The following COL5A1 variants were observed in gnomAD, a reference collection of about 807,000 sequenced individuals.
The protein encoded by COL5A1 is collagen type V alpha 1 chain.
COL5A1 carries 16 observed loss-of-function variants against 263.7 expected under a neutral mutation model. The observed-to-expected ratio is 0.06, with a 90% CI of 0.04 to 0.09. The LOEUF is 0.09. Among genes scored for constraint, COL5A1 ranks in the 10% least tolerant of loss-of-function variants. The pLI is 1.00. For missense variants in COL5A1, 2,036 were observed against 2,540.5 expected, an observed-to-expected ratio of 0.80 and a Z score of 4.27; for synonymous variants, 1,012 against 1,004.5, an observed-to-expected ratio of 1.01 and a Z score of -0.14.
rs771931165 is a variant in COL5A1 at position 134,818,802 on chromosome 9, A to G, written c.4338+39A>G. ...GAGGGGCAGAGGGGTTGCCGAGTGG[A>G]GGGACGGGGGACCAGCAACTCATGC... On this transcript the variant is annotated intron_variant, in intron 55 of 65. Transcript: ENST00000371817. The surrounding 1 kb of genome is among the most constrained non-coding windows in gnomAD (Gnocchi z 6.0). The G allele has an allele frequency of 8.7e-6, 14 of 1,612,252 alleles. No homozygotes were observed. The highest frequency in any genetic ancestry group is 1.0e-5 in the Non-Finnish European group (12 of 1,179,370).
chr9:134,759,845 CA>C (rs1564438848), intron 18 of COL5A1, among the ~76,000 whole-genome samples: 11 of 78,158 alleles, frequency 1.4e-4, no homozygotes, highest in East Asian at 7.5e-4. Context: ...CACTCACGCA[CA>C]CCCCCACACC....
At chr9:134,793,753 A>G (rs541131545) in intron 32 of COL5A1, among the ~76,000 whole-genome samples, 1 of 152,340 alleles carries the variant, frequency 6.6e-6, no homozygotes, top group East Asian at 1.9e-4. Context: ...TAGAACGCCT[A>G]TCACTGGAAG....
intron 14 of COL5A1, 65 bp from the exon 15 acceptor site, chr9:134,753,785 C>CCCCCCCCCA: frequency 1.8e-6 from 2 of 1,081,824 alleles, no homozygotes; most frequent in African/African-American, 1.5e-5. Context: ...CTGCCACCCC[C>CCCCCCCCCA]AGCCCTTCCT....
chr9:134,799,267 T>C (rs758096862), intron 37 of COL5A1, among the ~76,000 whole-genome samples: 11 of 152,196 alleles, frequency 7.2e-5, no homozygotes, highest in Non-Finnish European at 1.3e-4. Context: ...CCTTCGAAAT[T>C]TGGCCCAGCT....
At chr9:134,801,399 G>A (rs1334015619) in intron 37 of COL5A1, among the ~76,000 whole-genome samples, 1 of 152,250 alleles carries the variant, frequency 6.6e-6, no homozygotes, top group Non-Finnish European at 1.5e-5. Flanking sequence ...CAGAAAAGGA[G>A]CGTTTGGTGA....
intron 42 of COL5A1, among the ~76,000 whole-genome samples, chr9:134,807,355 G>T (rs536865737): frequency 6.6e-6 from 1 of 152,128 alleles, no homozygotes; most frequent in Non-Finnish European, 1.5e-5. Flanking sequence ...GTGCAGTGGC[G>T]CAATCTCGGC....
Position 134,754,072 on chromosome 9 carries a change from G to A in COL5A1, c.1773+169G>A, listed in dbSNP as rs541747953. 6.6e-6 allele frequency among the ~76,000 whole-genome samples: 1 copy of A among 152,350 alleles called. No homozygotes were observed. Among genetic ancestry groups the A allele is most frequent in the South Asian group, 2.1e-4 (1 of 4,826 alleles). ...TGGAGCACAATGAACTCTGACACCT[G>A]CGGCAGAAATGAGCTGGCTGTATTC... On this transcript the variant is annotated intron_variant, in intron 15 of 65. Transcript: ENST00000371817. This position sits in a 1 kb window ranked among gnomAD's most constrained non-coding sequence, Gnocchi z 4.3.
At chr9:134,701,099 G>C in intron 3 of COL5A1, 72 bp from the exon 4 acceptor site, 1 of 1,528,656 alleles carries the variant, frequency 6.5e-7, no homozygotes, top group Non-Finnish European at 9.0e-7. Context: ...GTGTCTCGAG[G>C]AATTTGCAGC....
intron 4 of COL5A1, among the ~76,000 whole-genome samples, chr9:134,701,687 G>A (rs775134353): frequency 2.0e-5 from 3 of 152,180 alleles, no homozygotes; most frequent in Non-Finnish European, 4.4e-5. Flanking sequence ...GTCTGTATCC[G>A]AGGCCATCCT....
chr9:134,675,092 G>A (rs956540131), intron 1 of COL5A1, among the ~76,000 whole-genome samples: 2 of 152,172 alleles, frequency 1.3e-5, no homozygotes, highest in African/African-American at 4.8e-5. Flanking sequence ...AGAGTGTACT[G>A]TGATATGTGC....
intron 1 of COL5A1, among the ~76,000 whole-genome samples, chr9:134,688,861 A>G (rs1833169949): frequency 6.6e-6 from 1 of 152,116 alleles, no homozygotes; most frequent in Non-Finnish European, 1.5e-5. Context: ...CTTCCAGAGA[A>G]CTGTGGATGG....
intron 4 of COL5A1, among the ~76,000 whole-genome samples, chr9:134,718,227 G>A (rs905419746): frequency 1.1e-4 from 17 of 152,238 alleles, no homozygotes; most frequent in African/African-American, 2.4e-4. Flanking sequence ...TGCTCCCGCC[G>A]TGGCCGCCGA....
chr9:134,646,830 G>A (rs1301709551), intron 1 of COL5A1, among the ~76,000 whole-genome samples: 1 of 152,136 alleles, frequency 6.6e-6, no homozygotes, highest in Non-Finnish European at 1.5e-5. Flanking sequence ...TGAACTCCAG[G>A]CCAGCAAGGT....
At chr9:134,760,136 A>C in intron 18 of COL5A1, among the ~76,000 whole-genome samples, 1 of 87,890 alleles carries the variant, frequency 1.1e-5, no homozygotes, top group Non-Finnish European at 2.1e-5. Flanking sequence ...CCCCACACTC[A>C]CATGTGCAGA....
rs1188859777 is a variant in COL5A1, at chr9:134,742,885, A to G, written c.1494+4077A>G. ...AAGCCCTTCCCTGGGCTCCTCGGGCAGGTGGGGGAAGGAGAGGGCTGGGGA... is the reference window on the plus strand; with the variant it reads ...AAGCCCTTCCCTGGGCTCCTCGGGCGGGTGGGGGAAGGAGAGGGCTGGGGA... On this transcript the variant is annotated intron_variant, in intron 11 of 65. Transcript: ENST00000371817. The surrounding 1 kb of genome is among the most constrained non-coding windows in gnomAD (Gnocchi z 4.6). Among the ~76,000 whole-genome samples the G allele has an allele frequency of 1.3e-5, 2 of 152,342 alleles. No homozygotes were observed. The highest frequency in any genetic ancestry group is 6.5e-5 in the Admixed American group (1 of 15,300).
intron 1 of COL5A1, among the ~76,000 whole-genome samples, chr9:134,671,784 C>G (rs1029366029): frequency 6.6e-6 from 1 of 152,236 alleles, no homozygotes. Context: ...AACCATCTCC[C>G]GGGGCCAATT....
rs999809248 is a variant in COL5A1 at position 134,757,398 on chromosome 9, C to G, written c.1881+580C>G. ...CCTCGCCTCTTGGAAGCATTTGTCC[C>G]AGGCCACGGGGGGCAGGGGAGATAC... On this transcript the variant is annotated intron_variant, in intron 17 of 65. Transcript: ENST00000371817. The surrounding 1 kb of genome is among the most constrained non-coding windows in gnomAD (Gnocchi z 6.2). 5.3e-5 allele frequency among the ~76,000 whole-genome samples: 8 copies of G among 152,152 alleles called. No individual in the cohort carries two copies. The highest frequency in any genetic ancestry group is 1.9e-4 in the African/African-American group (8 of 41,428).
At chr9:134,776,267 T>C (rs143909125) in intron 27 of COL5A1, among the ~76,000 whole-genome samples, 46 of 152,306 alleles carry the variant, frequency 3.0e-4, no homozygotes, top group African/African-American at 9.4e-4. Flanking sequence ...ATTATGTGAG[T>C]TCTATAGCAT....
intron 11 of COL5A1, among the ~76,000 whole-genome samples, chr9:134,740,190 A>T (rs1272572495): frequency 6.6e-6 from 1 of 152,200 alleles, no homozygotes; most frequent in African/African-American, 2.4e-5. Flanking sequence ...AACTCCAGAC[A>T]GGCAACAGCG....
Sources: gnomAD v4.1 joint callset for allele counts (sites outside exome capture counted in the v4.1 genomes callset) on GRCh38, gnomAD v4.1.1 for gene constraint, Gnocchi (gnomAD v3.1) non-coding constraint, MANE v1.5 for transcripts, NCBI Gene and HGNC (gene_info 2026-07-23, HGNC 2026-07-21) for gene names.